Variants in ANKDD1A observed in about 807,000 individuals in gnomAD.
ANKDD1A encodes the protein ankyrin repeat and death domain containing 1A.
Under a neutral mutation model 63.5 loss-of-function variants are expected in ANKDD1A, and 59 were observed. The ratio of observed to expected loss-of-function variants is 0.93; its 90% CI spans 0.75 to 1.15. ANKDD1A has a LOEUF of 1.15. Among genes scored for constraint, ANKDD1A ranks in the 50% most tolerant of loss-of-function variants. The probability of loss-of-function intolerance (pLI) is 0.00; values close to 1 mark genes in which losing one functional copy is unlikely to be tolerated. For synonymous variants in ANKDD1A, 266 were observed against 263.9 expected (o/e 1.01, Z -0.08); for missense variants, 632 against 656.4 (o/e 0.96, Z 0.41).
intron 1 of ANKDD1A, among the ~76,000 whole-genome samples, chr15:64,914,394 C>G (rs529264492): frequency 1.1e-4 from 16 of 152,318 alleles, no homozygotes; most frequent in Middle Eastern, 3.4e-3. Flanking sequence ...CTCAAGCAAG[C>G]CTCTTGCCTT....
chr15:64,930,690 G>C, intron 6 of ANKDD1A, 132 bp from the exon 7 acceptor site: 1 of 764,530 alleles, frequency 1.3e-6, no homozygotes, highest in African/African-American at 1.7e-5. Context: ...ATCTGCCCCT[G>C]GTTATAGTTT....
chr15:64,933,959 T>C (rs1031189527), intron 8 of ANKDD1A, among the ~76,000 whole-genome samples, 177 bp from the exon 9 acceptor site: 6 of 152,196 alleles, frequency 3.9e-5, no homozygotes, highest in Admixed American at 3.9e-4. Context: ...CATAATGAGT[T>C]CCTTTTACTG....
At chr15:64,939,579 G>A (rs962169928) in intron 9 of ANKDD1A, among the ~76,000 whole-genome samples, 1 of 152,086 alleles carries the variant, frequency 6.6e-6, no homozygotes, top group Non-Finnish European at 1.5e-5. Context: ...CACACACTGC[G>A]CTCCAACCTG....
rs954605684 is a variant in ANKDD1A at position 64,947,350 on chromosome 15, C to A, written c.1162-54C>A. 8.6e-5 allele frequency: 135 copies of A among 1,576,840 alleles called. 2 individuals carry two copies. The highest frequency in any genetic ancestry group is 1.1e-4 in the Non-Finnish European group (122 of 1,156,490). ...CATAGGGGCCTCGGCTCGGCACTGC[C>A]CCTGTCTGGGATCATGAGGGAGAGC... On this transcript the variant is annotated intron_variant, in intron 12 of 14. Coordinates refer to ENST00000319580, the MANE Select transcript of ANKDD1A (RefSeq NM_182703.6).
intron 4 of ANKDD1A, 126 bp from the exon 5 acceptor site, chr15:64,925,940 T>C: frequency 2.5e-6 from 2 of 794,786 alleles, no homozygotes; most frequent in Non-Finnish European, 4.0e-6. Flanking sequence ...CATTCATCAT[T>C]TACAGTGTTG....
chr15:64,947,728 C>A, intron 13 of ANKDD1A, 135 bp downstream of exon 13: 1 of 1,070,436 alleles, frequency 9.3e-7, no homozygotes, highest in African/African-American at 1.6e-5. Flanking sequence ...GTCCAACACA[C>A]CTGGTGCTCT....
chr15:64,951,398 TTTTTTC>T lies in ANKDD1A; in HGVS notation c.1483+1432_1483+1437del, dbSNP rs1390465298. ...CTTTCTTTTTCTTTTCTTCTTCCTC[TTTTTTC>T]TTTTTTCTTTTCTTCCTCTTTTCTT... On this transcript the variant is annotated intron_variant, in intron 14 of 14. Coordinates refer to ENST00000319580, the MANE Select transcript of ANKDD1A (RefSeq NM_182703.6). The T allele has an allele frequency of 8.0e-4, 129 of 161,558 alleles. 2 individuals carry two copies. The East Asian group carries it at 0.012, about 16-fold the overall frequency. 10.0% of individuals were successfully genotyped at this position (161,558 alleles called of 1,614,324 possible).
chr15:64,950,176 G>C, intron 14 of ANKDD1A: 1 of 985,378 alleles, frequency 1.0e-6, no homozygotes, highest in Non-Finnish European at 1.2e-6. Flanking sequence ...GTGCAATGAG[G>C]GTGTTGGCCC....
intron 9 of ANKDD1A, among the ~76,000 whole-genome samples, chr15:64,935,582 G>A (rs1402249644): frequency 1.3e-5 from 2 of 151,850 alleles, no homozygotes; most frequent in African/African-American, 4.8e-5. Flanking sequence ...GGCTGAGGCA[G>A]GAGAATGGCA....
chr15:64,934,914 T>C (rs533572172), intron 9 of ANKDD1A, among the ~76,000 whole-genome samples: 2 of 152,244 alleles, frequency 1.3e-5, no homozygotes, highest in East Asian at 3.9e-4. Context: ...ACACAGGAAC[T>C]GTATAATCTT....
At chr15:64,937,892 A>C (rs1479599276) in intron 9 of ANKDD1A, among the ~76,000 whole-genome samples, 1 of 152,180 alleles carries the variant, frequency 6.6e-6, no homozygotes, top group Non-Finnish European at 1.5e-5. Flanking sequence ...GTCTAGGACT[A>C]GGGCAGGAAA....
In ANKDD1A at chr15:64,912,879, G is replaced by A. The variant is rs115594979; in HGVS notation, c.34+915G>A. Among the ~76,000 whole-genome samples, 1,294 of 152,334 alleles carry A rather than the reference G, an allele frequency of 8.5e-3. 22 individuals are homozygous for A. The highest frequency in any genetic ancestry group is 0.03 in the African/African-American group (1,229 of 41,560). On this transcript the variant is annotated intron_variant, in intron 1 of 14. Transcript: ENST00000319580. Reference sequence around the variant, plus strand: ...GGTACATGGTTCTGCCTGGGGCGGAGGATCACTTGAGTGGGCCTGCGAAGA... The same window carrying A: ...GGTACATGGTTCTGCCTGGGGCGGAAGATCACTTGAGTGGGCCTGCGAAGA...
intron 14 of ANKDD1A, 40 bp downstream of exon 14, chr15:64,950,012 G>T: frequency 6.3e-7 from 1 of 1,597,758 alleles, no homozygotes. Context: ...CAGGAGCTGG[G>T]TGGCCCCCAC....
At chr15:64,951,362 T>C in intron 14 of ANKDD1A, 1 of 534,284 alleles carries the variant, frequency 1.9e-6, no homozygotes, top group African/African-American at 2.2e-5. Context: ...TCTTTCTTCT[T>C]CCTCTTTCTT....
At chr15:64,953,227 ATTC>A (rs201142650) in intron 14 of ANKDD1A, among the ~76,000 whole-genome samples, 2,426 of 89,864 alleles carry the variant, frequency 0.027, 29 homozygotes, top group African/African-American at 0.062. Flanking sequence ...CTTGTTCCTT[ATTC>A]TTCTTTCTTC....
At chr15:64,953,334 T>A (rs2085337488) in intron 14 of ANKDD1A, among the ~76,000 whole-genome samples, 1 of 150,616 alleles carries the variant, frequency 6.6e-6, no homozygotes, top group Non-Finnish European at 1.5e-5. Context: ...TCCTTCTTAT[T>A]CTTCCTCTCC....
chr15:64,954,008 TTCC>T (rs2085369684), intron 14 of ANKDD1A, among the ~76,000 whole-genome samples: 1 of 110,248 alleles, frequency 9.1e-6, no homozygotes, highest in African/African-American at 3.3e-5. Flanking sequence ...TCCTTTCTTC[TTCC>T]TTCTTTCCTC....
intron 9 of ANKDD1A, among the ~76,000 whole-genome samples, chr15:64,935,800 C>T (rs557171103): frequency 6.6e-5 from 10 of 152,010 alleles, no homozygotes; most frequent in African/African-American, 2.2e-4. Flanking sequence ...GCCAAGATCG[C>T]TCCACTGCAC....
intron 11 of ANKDD1A, 122 bp downstream of exon 11, chr15:64,943,704 A>C: frequency 1.1e-6 from 1 of 909,658 alleles, no homozygotes; most frequent in Non-Finnish European, 1.7e-6. Context: ...CATCCTTTCT[A>C]TACCAGCTCA....
Sources: gnomAD v4.1 joint callset for allele counts (sites outside exome capture counted in the v4.1 genomes callset) on GRCh38, gnomAD v4.1.1 for gene constraint, MANE v1.5 for transcripts, NCBI Gene and HGNC (gene_info 2026-07-23, HGNC 2026-07-21) for gene names.